Variants in SRSF7 observed in about 807,000 individuals in gnomAD.
SRSF7 encodes serine/arginine-rich splicing factor 7.
Under a neutral mutation model 42.2 loss-of-function variants are expected in SRSF7, and 15 were observed. The ratio of observed to expected loss-of-function variants is 0.36; its 90% CI spans 0.24 to 0.55. The LOEUF (loss-of-function observed/expected upper bound fraction) is 0.55, where lower values mean the gene tolerates loss of function less well. Among genes scored for constraint, SRSF7 ranks in the 20% least tolerant of loss-of-function variants. The pLI, the probability that SRSF7 is intolerant of heterozygous loss-of-function variation, is 0.88. For synonymous variants in SRSF7, 138 were observed against 107.9 expected, an observed-to-expected ratio of 1.28 and a Z score of -1.73; for missense variants, 181 against 305.9, an observed-to-expected ratio of 0.59 and a Z score of 3.04.
intron 6 of SRSF7, 34 bp from the exon 7 acceptor site, chr2:38,746,213 A>C (rs377697656): frequency 1.2e-6 from 2 of 1,611,308 alleles, no homozygotes; most frequent in Non-Finnish European, 1.7e-6. Context: ...TTAAAGAAAG[A>C]GTACTAACCA....
intron 5 of SRSF7, among the ~76,000 whole-genome samples, chr2:38,747,526 T>C (rs1667642313): frequency 6.6e-6 from 1 of 152,166 alleles, no homozygotes; most frequent in East Asian, 1.9e-4. Flanking sequence ...CTACAAATAG[T>C]AAAGCTCTGG....
chr2:38,746,835 C>G, intron 5 of SRSF7, 88 bp from the exon 6 acceptor site: 1 of 1,570,756 alleles, frequency 6.4e-7, no homozygotes, highest in Non-Finnish European at 8.6e-7. Context: ...GTTGGTCAGG[C>G]ATAAAGAAGC....
chr2:38,746,233 T>C, intron 6 of SRSF7, 54 bp from the exon 7 acceptor site: 1 of 1,597,614 alleles, frequency 6.3e-7, no homozygotes, highest in Non-Finnish European at 8.6e-7. Flanking sequence ...AATCCCTTTC[T>C]TGTAGTCACC....
chr2:38,748,004 G>A (rs759961931), intron 5 of SRSF7, 43 bp downstream of exon 5: 1 of 1,415,076 alleles, frequency 7.1e-7, no homozygotes. Flanking sequence ...CTGATAAGAT[G>A]TGAACAATCC....
chr2:38,747,028 T>C (rs192029849), intron 5 of SRSF7: 8 of 582,254 alleles, frequency 1.4e-5, no homozygotes, highest in East Asian at 1.3e-4. Context: ...TGGTTTTCAT[T>C]TGATGAGACT....
intron 7 of SRSF7, among the ~76,000 whole-genome samples, chr2:38,745,496 ATACAAAAAATTAGC>A (rs1165721584): frequency 6.6e-6 from 1 of 152,086 alleles, no homozygotes; most frequent in African/African-American, 2.4e-5. Context: ...TCTACTAGAA[ATACAAAAAATTAGC>A]CAGGCTTGGC....
intron 6 of SRSF7, 96 bp downstream of exon 6, chr2:38,746,598 A>C: frequency 6.4e-7 from 1 of 1,560,416 alleles, no homozygotes; most frequent in Non-Finnish European, 8.7e-7. Flanking sequence ...CTAAGTTTAG[A>C]GTTAACACTT....
Position 38,749,711 on chromosome 2 carries a change from A to T in SRSF7, c.210-6T>A. 4 of 1,535,412 alleles carry T rather than the reference A, an allele frequency of 2.6e-6. No homozygotes were observed. Among genetic ancestry groups the T allele is most frequent in the Non-Finnish European group, 2.6e-6 (3 of 1,146,280 alleles). On this transcript the variant is annotated splice_polypyrimidine_tract_variant and splice_region_variant and intron_variant, in intron 2 of 7. Transcript: ENST00000313117. Reference sequence around the variant, plus strand: ...CTCGGGAGCCACAAATCACCCTAATAAAAGCAAATTAACAAAATTCTAAAG... The same window carrying T: ...CTCGGGAGCCACAAATCACCCTAATTAAAGCAAATTAACAAAATTCTAAAG...
Position 38,743,727 on chromosome 2 carries a change from A to G in SRSF7, c.*1406T>C. The G allele has an allele frequency of 6.5e-6, 1 of 152,690 alleles. No homozygotes were observed. The highest frequency in any genetic ancestry group is 1.5e-5 in the Non-Finnish European group (1 of 68,056). The allele number at this position is 152,690 out of a possible 1,614,324, so 9.5% of individuals were successfully genotyped here. A position where few individuals can be genotyped will look rare whatever the true frequency, so the allele number is the denominator to read the frequency against. ...TTATACACATAACTTTATACCAACC[A>G]TAATTCAGCCAGTCAAAATTCCAAA... On this transcript the variant is annotated 3_prime_UTR_variant, in exon 8 of 8. Transcript: ENST00000313117.
chr2:38,746,606 C>T, intron 6 of SRSF7, 88 bp downstream of exon 6: 1 of 1,579,034 alleles, frequency 6.3e-7, no homozygotes, highest in African/African-American at 1.4e-5. Flanking sequence ...AGAGTTAACA[C>T]TTAAAATTTC....
intron 7 of SRSF7, among the ~76,000 whole-genome samples, chr2:38,745,391 G>A (rs747028561): frequency 6.6e-5 from 10 of 152,174 alleles, no homozygotes; most frequent in Non-Finnish European, 1.3e-4. Flanking sequence ...GGTGGCTCAC[G>A]CCTGTAACCC....
chr2:38,748,023 G>C (rs907675560), intron 5 of SRSF7, 24 bp downstream of exon 5: 4 of 1,555,390 alleles, frequency 2.6e-6, no homozygotes, highest in Admixed American at 1.7e-5. Context: ...CCAAACACAA[G>C]TAAGGAAAAA....
chr2:38,748,738 CA>C lies in SRSF7; in HGVS notation c.387-86del. The C allele has an allele frequency of 5.7e-6, 8 of 1,413,526 alleles. No individual in the cohort carries two copies. The Admixed American group carries it at 1.3e-4, about 23-fold the overall frequency. 87.6% of individuals were successfully genotyped at this position (1,413,526 alleles called of 1,614,324 possible). On this transcript the variant is annotated intron_variant, in intron 3 of 7. Coordinates refer to ENST00000313117, the MANE Select transcript of SRSF7 (RefSeq NM_001031684.3). ...GTGTGCCTCTGCTGAAATCAAATCTCAAAACTATTTAAATTTAGTGTCTCAT... is the reference window on the plus strand; with the variant it reads ...GTGTGCCTCTGCTGAAATCAAATCTCAAACTATTTAAATTTAGTGTCTCAT...
Position 38,745,148 on chromosome 2 carries a change from A to G in SRSF7, c.702T>C (p.Pro234=). 6.2e-7 allele frequency: 1 copy of G among 1,614,068 alleles called. No homozygotes were observed. The highest frequency in any genetic ancestry group is 1.3e-5 in the African/African-American group (1 of 74,948). ...PSGSPRRSAS[P]ERMD ...CTTGAGAGCTTCAGTCCATTCTTTCAGGACTTGCACTTCTGCGAGGACTTC... is the reference window on the plus strand; with the variant it reads ...CTTGAGAGCTTCAGTCCATTCTTTCGGGACTTGCACTTCTGCGAGGACTTC... Residue 234 remains proline, a synonymous_variant, in exon 8 of 8, where the codon CCT becomes CCC. Transcript: ENST00000313117.
chr2:38,749,990 G>T (rs556942550), intron 2 of SRSF7, 24 bp downstream of exon 2: 5 of 1,588,078 alleles, frequency 3.1e-6, no homozygotes, highest in Non-Finnish European at 4.3e-6. Flanking sequence ...TTAATGAACA[G>T]AAGATTCATA....
upstream of SRSF7, chr2:38,751,440 C>G (rs1166367366): frequency 2.6e-6 from 2 of 762,706 alleles, no homozygotes; most frequent in East Asian, 2.8e-5. Flanking sequence ...CTGCGCGGCA[C>G]AAAGGAGCTG....
At chr2:38,751,445 G>A (rs926902877), upstream of SRSF7, 18 of 730,414 alleles carry the variant, frequency 2.5e-5, no homozygotes, top group East Asian at 4.5e-4. Context: ...CGGCACAAAG[G>A]AGCTGGGCGG....
intron 7 of SRSF7, among the ~76,000 whole-genome samples, chr2:38,745,571 C>CT (rs1199023682): frequency 6.6e-6 from 1 of 151,964 alleles, no homozygotes. Flanking sequence ...AGGATAATTG[C>CT]TTGAACCCGG....
chr2:38,746,331 A>G (rs1241981386), intron 6 of SRSF7, 152 bp from the exon 7 acceptor site: 3 of 899,288 alleles, frequency 3.3e-6, no homozygotes, highest in Non-Finnish European at 5.1e-6. Flanking sequence ...TGCTAACAAA[A>G]GCCAATCTTT....
Sources: allele counts gnomAD v4.1 joint callset (sites outside exome capture counted in the v4.1 genomes callset), GRCh38; gene constraint gnomAD v4.1.1; transcripts MANE v1.5; gene names NCBI Gene and HGNC (gene_info 2026-07-23, HGNC 2026-07-21).